GCN1: variants seen among roughly 807,000 people sequenced by gnomAD.
The protein encoded by GCN1 is stalled ribosome sensor GCN1.
GCN1 carries 90 observed loss-of-function variants against 288.4 expected under a neutral mutation model. The ratio of observed to expected loss-of-function variants is 0.31; its 90% confidence interval spans 0.26 to 0.37. The LOEUF is 0.37. Ranked by LOEUF, GCN1 falls within the 10% of genes least tolerant of loss-of-function variation. The pLI, the probability that GCN1 is intolerant of heterozygous loss-of-function variation, is 1.00. For missense variants in GCN1, 2,586 were observed against 3,419.9 expected (o/e 0.76, Z 6.08); for synonymous variants, 1,386 against 1,420.2 (o/e 0.98, Z 0.54).
chr12:120,159,981 T>G lies in GCN1; in HGVS notation c.2593A>C (p.Ile865Leu), dbSNP rs1877874207. ...LEAALGLLDI[I>L]LAKNPSGLTQ... ...AGGCCGGACGGGTTCTTGGCCAGGA[T>G]GATGTCCAGCAGTCCAAGCGCCGCC... Residue 865 changes from isoleucine to leucine, a missense_variant, in exon 24 of 58, where the codon ATC becomes CTC. Physicochemically the swap from Ile to Leu is conservative, Grantham distance 5. This residue lies in a region of GCN1 where 913 missense variants were observed against 1,107.0 expected (regional missense o/e 0.82). Coordinates refer to ENST00000300648, the MANE Select transcript of GCN1 (RefSeq NM_006836.2). 1.9e-6 allele frequency: 3 copies of G among 1,614,014 alleles called. No homozygotes were observed. The South Asian group carries it at 3.3e-5, about 18-fold the overall frequency.
intron 15 of GCN1, 177 bp from the exon 16 acceptor site, chr12:120,168,477 C>G: frequency 1.8e-6 from 1 of 554,838 alleles, no homozygotes. Flanking sequence ...ACCTCCTGTA[C>G]GAAACTCTTC....
At chr12:120,182,348 G>A (rs1028530743) in intron 5 of GCN1, among the ~76,000 whole-genome samples, 1 of 152,034 alleles carries the variant, frequency 6.6e-6, no homozygotes, top group Non-Finnish European at 1.5e-5. Context: ...CAATTATACT[G>A]ACAGCCATTC....
At chr12:120,187,460 T>A (rs1269765025) in intron 2 of GCN1, among the ~76,000 whole-genome samples, 2 of 151,974 alleles carry the variant, frequency 1.3e-5, no homozygotes, top group Non-Finnish European at 2.9e-5. Context: ...AGGTGATCCA[T>A]CCTCCTCGGC....
At chr12:120,135,187 C>T (rs934477410) in intron 51 of GCN1, among the ~76,000 whole-genome samples, 4 of 152,214 alleles carry the variant, frequency 2.6e-5, no homozygotes, top group African/African-American at 9.6e-5. Context: ...AGGATACGCA[C>T]TCCACATTCA....
At chr12:120,189,356 C>G (rs1878929008) in intron 2 of GCN1, among the ~76,000 whole-genome samples, 1 of 151,330 alleles carries the variant, frequency 6.6e-6, no homozygotes, top group African/African-American at 2.4e-5. Context: ...CAGGCGTGAG[C>G]CACCACACCC....
intron 5 of GCN1, 141 bp from the exon 6 acceptor site, chr12:120,179,091 C>A: frequency 1.5e-6 from 1 of 665,956 alleles, no homozygotes; most frequent in Non-Finnish European, 2.6e-6. Context: ...CAACTCCAGC[C>A]AGCTCCTCTT....
chr12:120,159,478 G>A (rs1877859145), intron 24 of GCN1, among the ~76,000 whole-genome samples: 3 of 152,230 alleles, frequency 2.0e-5, no homozygotes. Flanking sequence ...CTGCTGTCAT[G>A]TGGCTGTTCA....
At chr12:120,131,134 C>CTGCCTATGGGATGTGGCCTA (rs1244711029) in intron 55 of GCN1, 51 bp downstream of exon 55, 9 of 1,564,344 alleles carry the variant, frequency 5.8e-6, no homozygotes, top group Non-Finnish European at 7.0e-6. Flanking sequence ...CCACAAGGTG[C>CTGCCTATGGGATGTGGCCTA]TGCCTATGGG....
intron 18 of GCN1, among the ~76,000 whole-genome samples, chr12:120,163,967 C>A (rs1011000540): frequency 1.3e-5 from 2 of 151,908 alleles, no homozygotes; most frequent in South Asian, 2.1e-4. Flanking sequence ...TACAAAAAAT[C>A]AAAAATCAAA....
intron 22 of GCN1, 161 bp from the exon 23 acceptor site, chr12:120,160,416 G>C (rs1424220498): frequency 1.7e-6 from 1 of 605,460 alleles, no homozygotes; most frequent in South Asian, 2.0e-5. Context: ...CTCCCACAAA[G>C]TCCACAGCCA....
Position 120,151,335 on chromosome 12 carries a change from A to G in GCN1, c.4119T>C (p.Asp1373=), listed in dbSNP as rs1315332578. 14 of 1,613,882 alleles carry G rather than the reference A, an allele frequency of 8.7e-6. No homozygotes were observed. The highest frequency in any genetic ancestry group is 1.1e-5 in the Non-Finnish European group (13 of 1,179,886). The change falls in exon 34 of 58, where the codon GAT becomes GAC. Residue 1373 remains aspartate, a synonymous_variant. Coordinates refer to ENST00000300648, the MANE Select transcript of GCN1 (RefSeq NM_006836.2). The part of the protein sequence containing the change: ...LPPLVPAIKE[D]AGGMIQRLMQ... ...TAAGCCTCTGGATCATCCCTCCAGC[A>G]TCCTCCTTGATGGCTGGCACAAGGG...
chr12:120,152,876 G>A (rs549032225), intron 33 of GCN1, among the ~76,000 whole-genome samples: 1 of 151,938 alleles, frequency 6.6e-6, no homozygotes, highest in African/African-American at 2.4e-5. Context: ...GTGCACGTTA[G>A]TGAATAGAAA....
In GCN1 at chr12:120,192,683, G is replaced by T. The variant is rs142184045; in HGVS notation, c.18+1997C>A. Among the ~76,000 whole-genome samples, 351 of 149,112 alleles carry T rather than the reference G, an allele frequency of 2.4e-3. 1 individual carries two copies. Among genetic ancestry groups the T allele is most frequent in the African/African-American group, 8.2e-3 (330 of 40,318 alleles). On this transcript the variant is annotated intron_variant, in intron 1 of 57. Transcript: ENST00000300648. ...GGAGGCAGAGGTTGTAGTGAGCCAA[G>T]ATTGTGCCACTGCACTCTAGCCTGG...
intron 6 of GCN1, 34 bp from the exon 7 acceptor site, chr12:120,178,793 T>C: frequency 1.2e-6 from 2 of 1,614,090 alleles, no homozygotes; most frequent in East Asian, 2.2e-5. Flanking sequence ...GTGTTTAAGA[T>C]GGCAGTGGGG....
chr12:120,178,041 C>T (rs2139133983), intron 7 of GCN1, among the ~76,000 whole-genome samples: 1 of 152,262 alleles, frequency 6.6e-6, no homozygotes, highest in South Asian at 2.1e-4. Flanking sequence ...CAACCCCGCT[C>T]GCCTCCTCTC....
At chr12:120,138,970 T>G (rs1208189631) in intron 45 of GCN1, 114 bp from the exon 46 acceptor site, 2 of 813,894 alleles carry the variant, frequency 2.5e-6, no homozygotes, top group Non-Finnish European at 3.9e-6. Flanking sequence ...TAACTCTCTT[T>G]GCCTGACTTG....
chr12:120,175,822 C>A lies in GCN1; in HGVS notation c.966G>T (p.Leu322=), dbSNP rs371476333. Residue 322 remains leucine (L), a synonymous_variant, in exon 11 of 58, where the codon CTG becomes CTT. Coordinates refer to ENST00000300648, the MANE Select transcript of GCN1 (RefSeq NM_006836.2). ...PRLMDEAVLA[L]RNLARQCSDS... is the part of the protein sequence containing the mutation. ...CACTGCACTGGCGTGCCAGGTTCCG[C>A]AGTGCCAGCACAGCTTCATCCATCA... 2 of 1,613,404 alleles carry A rather than the reference C, an allele frequency of 1.2e-6. No homozygotes were observed. Among genetic ancestry groups the A allele is most frequent in the African/African-American group, 2.7e-5 (2 of 75,016 alleles).
At position 120,134,579 on chromosome 12, in the gene GCN1, T is replaced by G; in HGVS notation, c.7156A>C (p.Thr2386Pro). Residue 2386 changes from threonine to proline, a missense_variant, in exon 52 of 58, where the codon ACA becomes CCA. By Grantham distance (38) the Thr-to-Pro change is conservative. This residue lies in a region of GCN1 where 355 missense variants were observed against 431.1 expected (regional missense o/e 0.82). Coordinates refer to ENST00000300648, the MANE Select transcript of GCN1 (RefSeq NM_006836.2). The surrounding 1 kb of genome is among the most constrained non-coding windows in gnomAD (Gnocchi z 5.0). ...SIHIKVDPLF[T>P]ELLNGIRAME... ...GCGCGGATGCCATTGAGCAGCTCTG[T>G]GAAGAGGGGGTCCACCTTAATGTGG... The G allele has an allele frequency of 6.2e-7, 1 of 1,614,132 alleles. No homozygotes were observed. Among genetic ancestry groups the G allele is most frequent in the Non-Finnish European group, 8.5e-7 (1 of 1,180,022 alleles).
intron 45 of GCN1, among the ~76,000 whole-genome samples, chr12:120,140,433 C>T (rs1339702797): frequency 6.6e-6 from 1 of 152,142 alleles, no homozygotes; most frequent in Non-Finnish European, 1.5e-5. Context: ...TTACCTGCTC[C>T]CCTCCTGCTA....
Sources: gnomAD v4.1 joint callset for allele counts (sites outside exome capture counted in the v4.1 genomes callset) on GRCh38, gnomAD v4.1.1 for gene constraint, gnomAD v4.1.1 regional missense constraint, Gnocchi (gnomAD v3.1) non-coding constraint, MANE v1.5 for transcripts, NCBI Gene and HGNC (gene_info 2026-07-23, HGNC 2026-07-21) for gene names.